Variants in DPAGT1 observed in about 807,000 individuals in gnomAD.
DPAGT1 encodes dolichyl-phosphate N-acetylglucosaminephosphotransferase 1.
DPAGT1 carries 25 observed loss-of-function variants against 39.3 expected under a neutral mutation model. That is an observed-to-expected ratio of 0.64 (90% CI 0.46 to 0.89). The LOEUF is 0.89. DPAGT1 is among the 40% of genes least tolerant of loss of function. The pLI is 0.00. For missense variants in DPAGT1, 381 were observed against 500.6 expected, an observed-to-expected ratio of 0.76 and a Z score of 2.28; for synonymous variants, 193 against 201.4, an observed-to-expected ratio of 0.96 and a Z score of 0.36.
downstream of DPAGT1, chr11:119,095,406 A>T (rs773859979): frequency 6.6e-7 from 1 of 1,526,272 alleles, no homozygotes; most frequent in Admixed American, 2.2e-5. Flanking sequence ...CTAGCGAGGT[A>T]GACCGGTGAA....
Position 119,097,602 on chromosome 11 carries a change from TC to T in DPAGT1, c.918-52del. ...GACTGGGCCACTATTTGAACCCTCC[TC>T]CCTGTGGCTAATAGGAAGAGCATTG... On this transcript the variant is annotated intron_variant, in intron 6 of 8. Coordinates refer to ENST00000354202, the MANE Select transcript of DPAGT1 (RefSeq NM_001382.4). The surrounding 1 kb of genome is among the most constrained non-coding windows in gnomAD (Gnocchi z 4.6). 6.3e-7 allele frequency: 1 copy of T among 1,595,530 alleles called. No individual in the cohort carries two copies. The highest frequency in any genetic ancestry group is 1.1e-5 in the South Asian group (1 of 90,664).
chr11:119,100,155 A>G (rs1168169279), intron 4 of DPAGT1, 107 bp downstream of exon 4: 1 of 1,542,148 alleles, frequency 6.5e-7, no homozygotes, highest in Non-Finnish European at 8.9e-7. Context: ...CTTATCTTCT[A>G]TAATTACTAT....
chr11:119,096,802 A>G lies in DPAGT1; in HGVS notation c.*196T>C, dbSNP rs1946402030. 2 of 668,890 alleles carry G rather than the reference A, an allele frequency of 3.0e-6. No individual in the cohort carries two copies. Among genetic ancestry groups the G allele is most frequent in the Non-Finnish European group, 5.2e-6 (2 of 385,292 alleles). The allele number at this position is 668,890 out of a possible 1,614,324, so 41.4% of individuals were successfully genotyped here. Reference sequence around the variant, plus strand: ...TGCAGAAAGCCATAGGTAAAATCCAATCAGTAGTCAGCAGAGGGCAAGAAA... The same window carrying G: ...TGCAGAAAGCCATAGGTAAAATCCAGTCAGTAGTCAGCAGAGGGCAAGAAA... On this transcript the variant is annotated 3_prime_UTR_variant, in exon 9 of 9. Transcript: ENST00000354202.
chr11:119,094,891 C>A (rs919904296), downstream of DPAGT1: 16 of 1,409,802 alleles, frequency 1.1e-5, no homozygotes, highest in South Asian at 5.5e-5. Context: ...TCCATGAGGG[C>A]GGTGGTGGCC....
At chr11:119,100,531 C>T (rs915756308) in intron 3 of DPAGT1, 99 bp downstream of exon 3, 9 of 1,598,702 alleles carry the variant, frequency 5.6e-6, no homozygotes, top group Middle Eastern at 1.7e-4. Context: ...TCTGGGAAGA[C>T]ACAGAGACAA....
downstream of DPAGT1, chr11:119,095,339 G>A: frequency 6.2e-7 from 1 of 1,601,746 alleles, no homozygotes. Flanking sequence ...GGCGCGCGAC[G>A]AGCGCGACTT....
chr11:119,098,088 C>A (rs1217287667), intron 5 of DPAGT1, 45 bp from the exon 6 acceptor site: 8 of 1,610,422 alleles, frequency 5.0e-6, no homozygotes, highest in Non-Finnish European at 6.8e-6. Context: ...GAGGCATTAC[C>A]AATCCCTTCT....
chr11:119,099,062 TGTTTTG>T (rs1946447702), intron 4 of DPAGT1, among the ~76,000 whole-genome samples: 2 of 152,160 alleles, frequency 1.3e-5, no homozygotes, highest in Admixed American at 1.3e-4. Context: ...TAGTAGCGTT[TGTTTTG>T]GGTATTTTGG....
At position 119,097,616 on chromosome 11, in the gene DPAGT1, A is replaced by C; in HGVS notation, c.918-65T>G. The C allele has an allele frequency of 6.3e-7, 1 of 1,576,528 alleles. No homozygotes were observed. Among genetic ancestry groups the C allele is most frequent in the Admixed American group, 1.7e-5 (1 of 59,956 alleles). On this transcript the variant is annotated intron_variant, in intron 6 of 8. Coordinates refer to ENST00000354202, the MANE Select transcript of DPAGT1 (RefSeq NM_001382.4). This position sits in a 1 kb window ranked among gnomAD's most constrained non-coding sequence, Gnocchi z 4.6. The stretch of plus-strand genomic sequence containing the variant: ...TTGAACCCTCCTCCCTGTGGCTAAT[A>C]GGAAGAGCATTGAATGTGGAGTCAA...
At chr11:119,095,593 G>C (rs561428433), downstream of DPAGT1, 7 of 552,674 alleles carry the variant, frequency 1.3e-5, no homozygotes, top group Non-Finnish European at 2.1e-5. Context: ...TCGCGGCTCG[G>C]CTGAGGGAGC....
chr11:119,094,892 G>A (rs779411238), downstream of DPAGT1: 3 of 1,415,296 alleles, frequency 2.1e-6, no homozygotes, highest in Non-Finnish European at 2.8e-6. Context: ...CCATGAGGGC[G>A]GTGGTGGCCC....
intron 1 of DPAGT1, 57 bp from the exon 2 acceptor site, chr11:119,101,195 C>T: frequency 6.2e-7 from 1 of 1,610,970 alleles, no homozygotes; most frequent in Non-Finnish European, 8.5e-7. Flanking sequence ...TGGTCACTCA[C>T]TAGTGCAGGT....
chr11:119,097,796 G>A lies in DPAGT1; in HGVS notation c.917+59C>T, dbSNP rs1592225966. ...CTTTGCACAGCAAATGTATAGGCTG[G>A]CATTAGATATCCCAAGTGAAAAGGC... On this transcript the variant is annotated intron_variant, in intron 6 of 8. Coordinates refer to ENST00000354202, the MANE Select transcript of DPAGT1 (RefSeq NM_001382.4). The surrounding 1 kb of genome is among the most constrained non-coding windows in gnomAD (Gnocchi z 4.6). The A allele has an allele frequency of 6.2e-7, 1 of 1,605,268 alleles. No individual in the cohort carries two copies.
Position 119,097,214 on chromosome 11 carries a change from G to A in DPAGT1, c.1089C>T (p.Leu363=), listed in dbSNP as rs1259628860. The change falls in exon 8 of 9, where the codon CTC becomes CTT. Residue 363 remains leucine (L), a synonymous_variant. Transcript: ENST00000354202. The surrounding 1 kb of genome is among the most constrained non-coding windows in gnomAD (Gnocchi z 4.6). The part of the protein sequence containing the change: ...GEFTECNNMT[L]INLLLKVLGP... ...CAAGGACTTTAAGTAGCAAGTTGAT[G>A]AGGGTCATGTTGTTACATTCAGTGA... 6.2e-7 allele frequency: 1 copy of A among 1,614,092 alleles called. No individual in the cohort carries two copies. Among genetic ancestry groups the A allele is most frequent in the African/African-American group, 1.3e-5 (1 of 74,910 alleles).
At position 119,097,146 on chromosome 11, in the gene DPAGT1, A is replaced by G; in HGVS notation, c.1157T>C (p.Leu386Pro). The change falls in exon 8 of 9, where the codon CTG becomes CCG. Residue 386 changes from leucine to proline, a missense_variant. Leu to Pro is a moderately conservative substitution (Grantham distance 98, BLOSUM62 -3). Transcript: ENST00000354202. This position sits in a 1 kb window ranked among gnomAD's most constrained non-coding sequence, Gnocchi z 4.6. The stretch of plus-strand genomic sequence containing the variant: ...AAACTCGATTCCCATCCTCACCTGC[A>G]GCAGCAGCAGGAGCAATGTGAGGTT... ...ERNLTLLLLL[L>P]QILGSAITFS... The G allele has an allele frequency of 6.2e-7, 1 of 1,614,160 alleles. No individual in the cohort carries two copies. Among genetic ancestry groups the G allele is most frequent in the South Asian group, 1.1e-5 (1 of 91,084 alleles).
At position 119,096,896 on chromosome 11, in the gene DPAGT1, T is replaced by A; in HGVS notation, c.*102A>T. 2 of 1,331,840 alleles carry A rather than the reference T, an allele frequency of 1.5e-6. No individual in the cohort carries two copies. The highest frequency in any genetic ancestry group is 2.1e-6 in the Non-Finnish European group (2 of 939,976). The allele number at this position is 1,331,840 out of a possible 1,614,324, so 82.5% of individuals were successfully genotyped here. A position where few individuals can be genotyped will look rare whatever the true frequency, so the allele number is the denominator to read the frequency against. ...ACAAAATCTGGAGGAGTATGAAGAG[T>A]GAGAGAGGCCTGGGCAAGGAGGCAG... is the stretch of plus-strand genomic sequence containing the variant. On this transcript the variant is annotated 3_prime_UTR_variant, in exon 9 of 9. Coordinates refer to ENST00000354202, the MANE Select transcript of DPAGT1 (RefSeq NM_001382.4).
Position 119,096,577 on chromosome 11 carries a change from C to T in DPAGT1, c.*421G>A. 3.3e-6 allele frequency: 1 copy of T among 304,084 alleles called. No homozygotes were observed. Among genetic ancestry groups the T allele is most frequent in the Non-Finnish European group, 6.3e-6 (1 of 158,788 alleles). 18.8% of individuals were successfully genotyped at this position (304,084 alleles called of 1,614,324 possible). On this transcript the variant is annotated 3_prime_UTR_variant, in exon 9 of 9. Coordinates refer to ENST00000354202, the MANE Select transcript of DPAGT1 (RefSeq NM_001382.4). ...GGCCCCCTGCTTAGTTCTTACTAAT[C>T]AGAACACTTAATTTACAATCAAATG...
chr11:119,101,700 G>A lies in DPAGT1; in HGVS notation c.-45C>T, dbSNP rs778460880. 7 of 1,613,818 alleles carry A rather than the reference G, an allele frequency of 4.3e-6. No individual in the cohort carries two copies. The highest frequency in any genetic ancestry group is 5.1e-6 in the Non-Finnish European group (6 of 1,179,934). On this transcript the variant is annotated 5_prime_UTR_variant, in exon 1 of 9. Coordinates refer to ENST00000354202, the MANE Select transcript of DPAGT1 (RefSeq NM_001382.4). The stretch of plus-strand genomic sequence containing the variant: ...GGCTCCGCCGCCTCTTCAGGTAACG[G>A]GCAAGCTGAGCAGCAGTCCTGAGGC...
chr11:119,100,488 A>C (rs1361706088), intron 3 of DPAGT1, 80 bp from the exon 4 acceptor site: 3 of 1,607,770 alleles, frequency 1.9e-6, no homozygotes, highest in East Asian at 2.2e-5. Flanking sequence ...AGTGGTGAGG[A>C]CGGACGATAG....
Sources: gnomAD v4.1 joint callset for allele counts (sites outside exome capture counted in the v4.1 genomes callset) on GRCh38, gnomAD v4.1.1 for gene constraint, Gnocchi (gnomAD v3.1) non-coding constraint, MANE v1.5 for transcripts, NCBI Gene and HGNC (gene_info 2026-07-23, HGNC 2026-07-21) for gene names.